Variants in RPS6KC1 observed in about 807,000 individuals in gnomAD.
RPS6KC1 encodes ribosomal protein S6 kinase C1, also known as inactive ribosomal protein S6 kinase delta-1.
RPS6KC1 carries 54 observed loss-of-function variants against 103.8 expected under a neutral mutation model. The ratio of observed to expected loss-of-function variants is 0.52; its 90% CI spans 0.42 to 0.65. The LOEUF (loss-of-function observed/expected upper bound fraction) is 0.65, where lower values mean the gene tolerates loss of function less well. Ranked by LOEUF, RPS6KC1 falls within the 30% of genes least tolerant of loss-of-function variation. The pLI, the probability that RPS6KC1 is intolerant of heterozygous loss-of-function variation, is 0.00. For missense variants in RPS6KC1, 1,151 were observed against 1,253.8 expected, an observed-to-expected ratio of 0.92 and a Z score of 1.24; for synonymous variants, 439 against 438.7, an observed-to-expected ratio of 1.00 and a Z score of -0.01.
At chr1:213,265,280 G>T (rs746083575) in intron 14 of RPS6KC1, among the ~76,000 whole-genome samples, 25 of 152,214 alleles carry the variant, frequency 1.6e-4, no homozygotes, top group Middle Eastern at 3.4e-3. Flanking sequence ...TTATACTTTT[G>T]CCTATAGATT....
At chr1:213,746,097 T>C in the RPS6KC1 span, among the ~76,000 whole-genome samples, 2 of 152,182 alleles carry the variant, frequency 1.3e-5, no homozygotes, top group African/African-American at 4.8e-5. Context: ...TCTGCCCTCA[T>C]GAAGCTTATA....
chr1:213,203,958 G>T (rs888334986), intron 8 of RPS6KC1, among the ~76,000 whole-genome samples: 2 of 152,192 alleles, frequency 1.3e-5, no homozygotes, highest in Admixed American at 1.3e-4. Flanking sequence ...GTTTGAGAAT[G>T]AATGTGTGTC....
chr1:213,052,729 A>G lies in RPS6KC1; in HGVS notation c.105+1220A>G, dbSNP rs570740151. ...ATAATTTTTTGTATTTTTAGTAGAG[A>G]TGGGGTTTCTGCATGTTGCTCAGGC... is the stretch of plus-strand genomic sequence containing the variant. On this transcript the variant is annotated intron_variant, in intron 1 of 14. Coordinates refer to ENST00000366960, the MANE Select transcript of RPS6KC1 (RefSeq NM_012424.6). 3.3e-5 allele frequency among the ~76,000 whole-genome samples: 5 copies of G among 152,042 alleles called. No homozygotes were observed. In the South Asian group the frequency reaches 1.0e-3, roughly 32 times the overall value.
chr1:213,777,205 GT>G, the RPS6KC1 span, among the ~76,000 whole-genome samples: 1 of 152,294 alleles, frequency 6.6e-6, no homozygotes, highest in East Asian at 1.9e-4. Flanking sequence ...TTGGGTAACT[GT>G]TTGGTGTAAG....
At chr1:213,333,829 C>T in the RPS6KC1 span, among the ~76,000 whole-genome samples, 70 of 152,066 alleles carry the variant, frequency 4.6e-4, 1 homozygote, top group African/African-American at 1.6e-3. Flanking sequence ...TTACAGGCAC[C>T]CACCACCACG....
the RPS6KC1 span, among the ~76,000 whole-genome samples, chr1:213,333,665 A>G: frequency 6.6e-6 from 1 of 151,836 alleles, no homozygotes; most frequent in African/African-American, 2.4e-5. Flanking sequence ...ATCTTATTTT[A>G]TTTTATTTTT....
chr1:213,403,964 G>A, the RPS6KC1 span, among the ~76,000 whole-genome samples: 1 of 152,218 alleles, frequency 6.6e-6, no homozygotes, highest in Non-Finnish European at 1.5e-5. Flanking sequence ...GCTTGCCATA[G>A]GGATTGGGGT....
chr1:213,602,098 T>TTCTCTTTCTTTCTTTCTTTC, the RPS6KC1 span, among the ~76,000 whole-genome samples: 1 of 17,074 alleles, frequency 5.9e-5, no homozygotes, highest in Non-Finnish European at 1.2e-4. Flanking sequence ...CTTTCTTTCT[T>TTCTCTTTCTTTCTTTCTTTC]TCTTTCTTTC....
In RPS6KC1 at chr1:213,129,712, C is replaced by A. The variant is rs768437981; in HGVS notation, c.658C>A (p.Arg220=). The change falls in exon 6 of 15, where the codon CGG becomes AGG. Residue 220 remains arginine, a synonymous_variant. Transcript: ENST00000366960. The stretch of plus-strand genomic sequence containing the variant: ...TGAACAGAGCAAAACAGAAGAAGAA[C>A]GGGAAAGTCGTAGCCTCTTTCCTGG... ...DSEQSKTEEE[R]ESRSLFPGSL... 3.8e-5 allele frequency: 62 copies of A among 1,613,870 alleles called. No individual in the cohort carries two copies. The highest frequency in any genetic ancestry group is 5.2e-5 in the Non-Finnish European group (61 of 1,179,954).
the RPS6KC1 span, among the ~76,000 whole-genome samples, chr1:213,774,389 C>T: frequency 6.6e-6 from 1 of 152,280 alleles, no homozygotes; most frequent in South Asian, 2.1e-4. Context: ...ATCCCTCATC[C>T]ACCCTTCTAG....
intron 1 of RPS6KC1, among the ~76,000 whole-genome samples, chr1:213,052,053 G>GA (rs899157912): frequency 2.0e-5 from 3 of 152,022 alleles, no homozygotes; most frequent in Non-Finnish European, 4.4e-5. Context: ...TAGGAGACGT[G>GA]AAAAAAATCT....
the RPS6KC1 span, among the ~76,000 whole-genome samples, chr1:213,332,645 T>G: frequency 6.6e-6 from 1 of 152,102 alleles, no homozygotes; most frequent in Admixed American, 6.5e-5. Context: ...AGCTCCTCTG[T>G]GGTGGCTGTG....
At chr1:213,324,922 C>T in the RPS6KC1 span, among the ~76,000 whole-genome samples, 1 of 151,626 alleles carries the variant, frequency 6.6e-6, no homozygotes, top group South Asian at 2.1e-4. Flanking sequence ...GGAGGGCTGC[C>T]GTGGGGTGGG....
the RPS6KC1 span, among the ~76,000 whole-genome samples, chr1:213,709,185 T>G: frequency 6.6e-6 from 1 of 152,130 alleles, no homozygotes; most frequent in Non-Finnish European, 1.5e-5. Flanking sequence ...GGTCCTGGGC[T>G]TTTTTTGGTT....
the RPS6KC1 span, chr1:213,822,509 C>T: frequency 6.6e-6 from 1 of 152,158 alleles, no homozygotes; most frequent in Admixed American, 6.5e-5. Context: ...TTATCTGTGT[C>T]CCCTGACTTC....
At chr1:213,681,232 G>A in the RPS6KC1 span, among the ~76,000 whole-genome samples, 1 of 152,184 alleles carries the variant, frequency 6.6e-6, no homozygotes, top group East Asian at 1.9e-4. Context: ...ATCTCAGCCA[G>A]TTATCACTCG....
At chr1:213,352,553 T>C in the RPS6KC1 span, among the ~76,000 whole-genome samples, 3 of 152,174 alleles carry the variant, frequency 2.0e-5, no homozygotes, top group Non-Finnish European at 4.4e-5. Flanking sequence ...CCCAAGAAAT[T>C]AGATGAAGTA....
chr1:213,359,897 T>C, the RPS6KC1 span, among the ~76,000 whole-genome samples: 1 of 152,246 alleles, frequency 6.6e-6, no homozygotes, highest in Non-Finnish European at 1.5e-5. Flanking sequence ...CAATCTCTTG[T>C]GGCTTGTAGA....
At chr1:213,200,463 A>T (rs1322321693) in intron 8 of RPS6KC1, among the ~76,000 whole-genome samples, 1 of 152,208 alleles carries the variant, frequency 6.6e-6, no homozygotes, top group African/African-American at 2.4e-5. Flanking sequence ...CTCCTTCCTT[A>T]CACCATTTTC....
Sources: allele counts gnomAD v4.1 joint callset (sites outside exome capture counted in the v4.1 genomes callset), GRCh38; gene constraint gnomAD v4.1.1; transcripts MANE v1.5; gene names NCBI Gene and HGNC (gene_info 2026-07-23, HGNC 2026-07-21).